Variants in MRPL43 observed in about 807,000 individuals in gnomAD.
MRPL43 encodes the protein mitochondrial ribosomal protein L43.
Under a neutral mutation model 12.7 loss-of-function variants are expected in MRPL43, and 9 were observed. The observed-to-expected ratio is 0.71, with a 90% confidence interval of 0.43 to 1.24. The LOEUF is 1.24. Ranked by LOEUF, MRPL43 falls within the 50% of genes most tolerant of loss-of-function variation. MRPL43 has a pLI of 0.00. For synonymous variants in MRPL43, 116 were observed against 96.4 expected (o/e 1.20, Z -1.19); for missense variants, 211 against 229.2 (o/e 0.92, Z 0.51).
At chr10:100,980,977 C>T (rs912639818), downstream of MRPL43, 2 of 1,600,360 alleles carry the variant, frequency 1.2e-6, no homozygotes, top group Non-Finnish European at 1.7e-6. Context: ...CCACCATAGC[C>T]AACAGGTCCC....
At chr10:100,978,861 T>G (rs1461931758), downstream of MRPL43, 10 of 1,613,828 alleles carry the variant, frequency 6.2e-6, no homozygotes, top group Non-Finnish European at 8.5e-6. Flanking sequence ...GCGGAGTTTG[T>G]GTTCTCCGTC....
At chr10:100,978,362 C>T (rs746889193), downstream of MRPL43, 2 of 1,613,378 alleles carry the variant, frequency 1.2e-6, no homozygotes, top group Admixed American at 1.7e-5. Flanking sequence ...TATGACCCAG[C>T]CCGTGGCTTC....
At chr10:100,980,426 C>A, downstream of MRPL43, 1 of 1,444,480 alleles carries the variant, frequency 6.9e-7, no homozygotes. Context: ...CATGACTAGT[C>A]TGGAGTTCCC....
At chr10:100,978,785 C>T, downstream of MRPL43, 1 of 1,589,390 alleles carries the variant, frequency 6.3e-7, no homozygotes, top group South Asian at 1.1e-5. Flanking sequence ...AGGGGTCAGC[C>T]TCAGAGTGAG....
At chr10:100,980,742 G>C (rs986881412), downstream of MRPL43, 11 of 1,606,600 alleles carry the variant, frequency 6.8e-6, no homozygotes, top group Non-Finnish European at 8.5e-6. Context: ...AATAGGAAGA[G>C]GGAGTGGGGA....
downstream of MRPL43, chr10:100,977,952 CT>C (rs1850873549): frequency 2.4e-5 from 14 of 580,530 alleles, no homozygotes; most frequent in South Asian, 2.9e-4. Context: ...CATCCTCCCC[CT>C]AATCACCTCC....
chr10:100,978,629 A>C, downstream of MRPL43: 4 of 1,613,564 alleles, frequency 2.5e-6, no homozygotes, highest in Non-Finnish European at 3.4e-6. Context: ...ACACCAATGC[A>C]TTGGCTCAAT....
downstream of MRPL43, chr10:100,981,534 G>A: frequency 6.2e-7 from 1 of 1,614,038 alleles, no homozygotes. Flanking sequence ...TCGGATGACT[G>A]AACTGATATC....
chr10:100,986,838 T>TGCTA lies in MRPL43; in HGVS notation c.372_375dup (p.Ile126Ter), dbSNP rs1383642197. 1 of 1,613,858 alleles carries TGCTA rather than the reference T, an allele frequency of 6.2e-7. No homozygotes were observed. Among genetic ancestry groups the TGCTA allele is most frequent in the African/African-American group, 1.3e-5 (1 of 75,058 alleles). On this transcript the variant is annotated stop_gained and frameshift_variant, in exon 3 of 3. Transcript: ENST00000318364. LOFTEE classifies it low-confidence loss of function (END_TRUNC). Reference sequence around the variant, plus strand: ...GTGAAGGGGTGCCACTGGCCCTGGATGCTAGGGTTGTCGGTGTGGAAGGGC... The same window carrying TGCTA: ...GTGAAGGGGTGCCACTGGCCCTGGATGCTAGCTAGGGTTGTCGGTGTGGAAGGGC...
Position 100,986,936 on chromosome 10 carries a change from G to A in MRPL43, c.278C>T (p.Ser93Leu). 1 of 1,609,100 alleles carries A rather than the reference G, an allele frequency of 6.2e-7. No individual in the cohort carries two copies. Among genetic ancestry groups the A allele is most frequent in the East Asian group, 2.2e-5 (1 of 44,872 alleles). ...AVREESIHCK[S>L]VEEISTLVQK... ...CACCAGCGTCGAGATCTCCTCGACC[G>A]ACTTGCAGTGGATGCTCTCCTCGCG... Residue 93 changes from serine to leucine, a missense_variant, in exon 3 of 3, where the codon TCG (serine) becomes TTG (leucine). By Grantham distance (145) the Ser-to-Leu change is moderately radical. Coordinates refer to ENST00000318364, the MANE Select transcript of MRPL43 (RefSeq NM_032112.3).
chr10:100,984,514 G>A, downstream of MRPL43: 6 of 1,536,042 alleles, frequency 3.9e-6, no homozygotes, highest in Non-Finnish European at 5.2e-6. Flanking sequence ...GTCCATATGG[G>A]CTCAATGTCA....
chr10:100,983,649 C>T (rs1358691563), downstream of MRPL43: 1 of 1,613,532 alleles, frequency 6.2e-7, no homozygotes, highest in Admixed American at 1.7e-5. Context: ...GCTCTATGTG[C>T]TAGCCATTGC....
downstream of MRPL43, chr10:100,984,153 G>T (rs1276335802): frequency 6.3e-7 from 1 of 1,583,866 alleles, no homozygotes. Context: ...CAGAACAAAT[G>T]CTCTTCCAAG....
At chr10:100,980,611 G>A (rs1425740385), downstream of MRPL43, 1 of 1,614,214 alleles carries the variant, frequency 6.2e-7, no homozygotes, top group Non-Finnish European at 8.5e-7. Flanking sequence ...GTAGTCCTGG[G>A]CTCTGGGATG....
At chr10:100,980,277 A>G (rs1345529789), downstream of MRPL43, 1 of 1,614,044 alleles carries the variant, frequency 6.2e-7, no homozygotes, top group African/African-American at 1.3e-5. Flanking sequence ...TACGCTACAC[A>G]CACCTTACAG....
At chr10:100,984,411 CCCTAA>C (rs1342086795), downstream of MRPL43, 106 of 1,467,364 alleles carry the variant, frequency 7.2e-5, no homozygotes, top group Non-Finnish European at 6.3e-6. Flanking sequence ...AGTTCCTATC[CCCTAA>C]CCTAAACACT....
downstream of MRPL43, chr10:100,985,580 C>T (rs1441105677): frequency 6.6e-6 from 1 of 152,652 alleles, no homozygotes; most frequent in East Asian, 1.9e-4. Flanking sequence ...CAGCTCCTCC[C>T]CCTGCCGTTG....
At chr10:100,982,075 A>AG (rs1289175732), downstream of MRPL43, among the ~76,000 whole-genome samples, 1 of 150,590 alleles carries the variant, frequency 6.6e-6, no homozygotes, top group Non-Finnish European at 1.5e-5. Flanking sequence ...AAAAAAAAAA[A>AG]AAGAAAGAAA....
chr10:100,982,014 C>A (rs1252773667), downstream of MRPL43, among the ~76,000 whole-genome samples: 1 of 146,684 alleles, frequency 6.8e-6, no homozygotes, highest in African/African-American at 2.5e-5. Flanking sequence ...GCCAAGATCA[C>A]ACCATTGCAC....
Sources: gnomAD v4.1 joint callset for allele counts (sites outside exome capture counted in the v4.1 genomes callset) on GRCh38, gnomAD v4.1.1 for gene constraint, MANE v1.5 for transcripts, NCBI Gene and HGNC (gene_info 2026-07-23, HGNC 2026-07-21) for gene names.